Variants in TBC1D32 observed in about 807,000 individuals in gnomAD.
TBC1D32 encodes protein broad-minded.
TBC1D32 carries 151 observed loss-of-function variants against 170.3 expected under a neutral mutation model. The observed-to-expected ratio is 0.89, with a 90% CI of 0.78 to 1.01. The LOEUF (loss-of-function observed/expected upper bound fraction) is 1.01. Ranked by LOEUF, TBC1D32 falls within the 50% of genes least tolerant of loss-of-function variation. The pLI is 0.00. For synonymous variants in TBC1D32, 498 were observed against 488.0 expected (o/e 1.02, Z -0.27); for missense variants, 1,464 against 1,457.1 (o/e 1.00, Z -0.08).
At chr6:121,175,036 A>AC (rs1414702350) in intron 22 of TBC1D32, among the ~76,000 whole-genome samples, 244 of 151,826 alleles carry the variant, frequency 1.6e-3, no homozygotes, top group Non-Finnish European at 2.6e-3. Flanking sequence ...AAAAAAAAAA[A>AC]AACTGATAAG....
At chr6:121,144,718 T>C (rs1364094255) in intron 24 of TBC1D32, among the ~76,000 whole-genome samples, 1 of 152,076 alleles carries the variant, frequency 6.6e-6, no homozygotes, top group Admixed American at 6.5e-5. Context: ...ATTAGAGATA[T>C]AAATCTGAGA....
chr6:121,248,117 A>G (rs112540546), intron 17 of TBC1D32, among the ~76,000 whole-genome samples: 2,186 of 152,108 alleles, frequency 0.014, 15 homozygotes, highest in Middle Eastern at 0.034. Flanking sequence ...TATACCAAGT[A>G]CTCTCTCAGA....
chr6:121,153,127 C>A (rs961629230), intron 24 of TBC1D32, among the ~76,000 whole-genome samples: 2 of 152,044 alleles, frequency 1.3e-5, no homozygotes, highest in Non-Finnish European at 2.9e-5. Flanking sequence ...TTTTTCCTCA[C>A]CTTTGTGGAT....
Position 121,303,721 on chromosome 6 carries a change from T to C in TBC1D32, c.976A>G (p.Thr326Ala). Reference protein sequence around the residue: ...EIVESTLSLLTVKHNQSHVVS... With the variant: ...EIVESTLSLLAVKHNQSHVVS... ...ACATGGCTTTGATTATGTTTAACTGTTAACAAGGACAAAGTACTCTCCACA... is the reference window on the plus strand; with the variant it reads ...ACATGGCTTTGATTATGTTTAACTGCTAACAAGGACAAAGTACTCTCCACA... The change falls in exon 9 of 32, where the codon ACA (threonine) becomes GCA (alanine). Residue 326 changes from threonine (T) to alanine (A), a missense_variant. Thr to Ala is a moderately conservative substitution (Grantham distance 58). Coordinates refer to ENST00000398212, the MANE Select transcript of TBC1D32 (RefSeq NM_152730.6). 6.3e-7 allele frequency: 1 copy of C among 1,585,448 alleles called. No individual in the cohort carries two copies. Among genetic ancestry groups the C allele is most frequent in the Middle Eastern group, 1.7e-4 (1 of 5,940 alleles).
intron 20 of TBC1D32, among the ~76,000 whole-genome samples, chr6:121,225,175 C>A (rs1794925641): frequency 6.6e-6 from 1 of 151,936 alleles, no homozygotes; most frequent in African/African-American, 2.4e-5. Flanking sequence ...TAGGAAACTA[C>A]TGTATAAACT....
intron 15 of TBC1D32, among the ~76,000 whole-genome samples, chr6:121,269,680 A>G (rs918876498): frequency 4.6e-5 from 7 of 152,268 alleles, no homozygotes; most frequent in Admixed American, 3.3e-4. Flanking sequence ...TTAACACCCC[A>G]CTGTCAACAT....
At chr6:121,177,626 T>C (rs1321118474) in intron 22 of TBC1D32, among the ~76,000 whole-genome samples, 3 of 152,182 alleles carry the variant, frequency 2.0e-5, no homozygotes, top group African/African-American at 7.2e-5. Context: ...GTGGCTGAGA[T>C]AGTGACACCT....
rs1291251186 is a variant in TBC1D32, at chr6:121,119,925, T to TA, written c.2984-4685dup. Reference sequence around the variant, plus strand: ...AATCAATTTCTCATTTCCAGAAACCTAAAAAAACATTGAATACATCTATCC... The same window carrying TA: ...AATCAATTTCTCATTTCCAGAAACCTAAAAAAAACATTGAATACATCTATCC... On this transcript the variant is annotated intron_variant, in intron 26 of 31. Coordinates refer to ENST00000398212, the MANE Select transcript of TBC1D32 (RefSeq NM_152730.6). 3.3e-5 allele frequency among the ~76,000 whole-genome samples: 5 copies of TA among 152,130 alleles called. No homozygotes were observed. The South Asian group carries it at 6.2e-4, about 19-fold the overall frequency.
At chr6:121,220,640 CT>C (rs923251281) in intron 21 of TBC1D32, among the ~76,000 whole-genome samples, 6,942 of 126,106 alleles carry the variant, frequency 0.055, 183 homozygotes, top group Middle Eastern at 0.091. Flanking sequence ...TTTTCTTTTT[CT>C]TTTTTTTTTT....
intron 12 of TBC1D32, among the ~76,000 whole-genome samples, chr6:121,284,292 G>A (rs1269107226): frequency 6.6e-6 from 1 of 152,006 alleles, no homozygotes; most frequent in Admixed American, 6.6e-5. Flanking sequence ...CTGTAGAACA[G>A]GGCTTAGCAA....
Position 121,197,577 on chromosome 6 carries a change from C to T in TBC1D32, c.2570+7498G>A, listed in dbSNP as rs545918482. On this transcript the variant is annotated intron_variant, in intron 22 of 31. Transcript: ENST00000398212. ...TATCATGTGACATAAGATTTATTGA[C>T]TTCATATCAGCATTTAAGTATTGTT... Among the ~76,000 whole-genome samples the T allele has an allele frequency of 8.5e-5, 13 of 152,280 alleles. No individual in the cohort carries two copies. The East Asian group carries it at 2.5e-3, about 29-fold the overall frequency.
chr6:121,253,667 C>A (rs1329610942), intron 17 of TBC1D32, among the ~76,000 whole-genome samples: 2 of 151,672 alleles, frequency 1.3e-5, no homozygotes, highest in East Asian at 1.9e-4. Context: ...TTCAGTGAGC[C>A]GAGATCACTC....
In TBC1D32 at chr6:121,304,606, G is replaced by A. The variant is rs753544137; in HGVS notation, c.789C>T (p.Tyr263=). 8 of 1,609,198 alleles carry A rather than the reference G, an allele frequency of 5.0e-6. No homozygotes were observed. The South Asian group carries it at 7.8e-5, about 16-fold the overall frequency. The change falls in exon 7 of 32, where the codon TAC becomes TAT. Residue 263 remains tyrosine (Y), a synonymous_variant. Transcript: ENST00000398212. ...GAATATGATTTTCCCTAGAAAGAAA[G>A]TATGACTCCAAATACTTAGCTGAAA... ...YTSLAKYLES[Y]FLSRENHIPT...
At chr6:121,248,635 T>C (rs923937208) in intron 17 of TBC1D32, among the ~76,000 whole-genome samples, 1 of 151,272 alleles carries the variant, frequency 6.6e-6, no homozygotes, top group African/African-American at 2.4e-5. Context: ...ACAGACAATA[T>C]CACAGAAATA....
intron 22 of TBC1D32, among the ~76,000 whole-genome samples, chr6:121,183,879 C>G (rs1788848127): frequency 1.3e-5 from 2 of 151,882 alleles, no homozygotes; most frequent in African/African-American, 4.8e-5. Context: ...CTATCAAAAC[C>G]CTCTGAAATA....
chr6:121,302,236 A>G (rs779009081), intron 9 of TBC1D32, among the ~76,000 whole-genome samples: 5 of 152,134 alleles, frequency 3.3e-5, no homozygotes, highest in Non-Finnish European at 7.4e-5. Flanking sequence ...CCATTCATTT[A>G]CCTATTATGT....
At chr6:121,093,930 G>A (rs1777109682) in intron 30 of TBC1D32, among the ~76,000 whole-genome samples, 1 of 151,884 alleles carries the variant, frequency 6.6e-6, no homozygotes. Context: ...ATATGTACAA[G>A]GTAATATTAT....
intron 24 of TBC1D32, among the ~76,000 whole-genome samples, chr6:121,138,100 C>T (rs950685960): frequency 2.6e-5 from 4 of 151,980 alleles, no homozygotes; most frequent in Non-Finnish European, 4.4e-5. Context: ...CAAGGAAAAA[C>T]ATTGGAGTGG....
chr6:121,263,201 T>A lies in TBC1D32; in HGVS notation c.1734-6916A>T, dbSNP rs1008355664. On this transcript the variant is annotated intron_variant, in intron 15 of 31. Transcript: ENST00000398212. ...AAGAGACTCATCTCATATGCAAATA[T>A]ACACATAGGCTCAAAAAACAAAACA... Among the ~76,000 whole-genome samples the A allele has an allele frequency of 9.4e-5, 14 of 149,404 alleles. No individual in the cohort carries two copies. The East Asian group carries it at 2.6e-3, about 28-fold the overall frequency.
Sources: gnomAD v4.1 joint callset for allele counts (sites outside exome capture counted in the v4.1 genomes callset) on GRCh38, gnomAD v4.1.1 for gene constraint, MANE v1.5 for transcripts, NCBI Gene and HGNC (gene_info 2026-07-23, HGNC 2026-07-21) for gene names.